Variants in AGBL1 observed in about 807,000 individuals in gnomAD.
AGBL1 encodes the protein cytosolic carboxypeptidase 4.
AGBL1 carries 130 observed loss-of-function variants against 118.9 expected under a neutral mutation model. The ratio of observed to expected loss-of-function variants is 1.09; its 90% CI spans 0.95 to 1.26. The LOEUF (loss-of-function observed/expected upper bound fraction) is 1.26. Among genes scored for constraint, AGBL1 ranks in the 50% most tolerant of loss-of-function variants. The pLI, the probability that AGBL1 is intolerant of heterozygous loss-of-function variation, is 0.00. For missense variants in AGBL1, 1,584 were observed against 1,298.1 expected, an observed-to-expected ratio of 1.22 and a Z score of -3.38; for synonymous variants, 555 against 478.9, an observed-to-expected ratio of 1.16 and a Z score of -2.08.
intron 9 of AGBL1, among the ~76,000 whole-genome samples, chr15:86,260,961 A>G (rs531326455): frequency 9.2e-5 from 14 of 152,360 alleles, no homozygotes; most frequent in African/African-American, 3.4e-4. Flanking sequence ...CTCAGAGACT[A>G]AGCTCCAGAA....
intron 22 of AGBL1, among the ~76,000 whole-genome samples, chr15:86,742,864 C>T (rs1381469688): frequency 6.6e-6 from 1 of 152,162 alleles, no homozygotes; most frequent in Admixed American, 6.5e-5. Flanking sequence ...GAATCAGAAG[C>T]CTACAGGTAG....
At chr15:86,344,960 C>G (rs1379445302) in intron 17 of AGBL1, among the ~76,000 whole-genome samples, 1 of 152,044 alleles carries the variant, frequency 6.6e-6, no homozygotes, top group East Asian at 1.9e-4. Context: ...CATCAGTGAA[C>G]AGAGGAACAT....
At chr15:86,831,336 C>A (rs557265729) in intron 22 of AGBL1, among the ~76,000 whole-genome samples, 1 of 152,326 alleles carries the variant, frequency 6.6e-6, no homozygotes, top group Non-Finnish European at 1.5e-5. Context: ...AAAGTCTTAA[C>A]TTATTTTAGC....
At chr15:86,754,150 G>C (rs562666794) in intron 22 of AGBL1, among the ~76,000 whole-genome samples, 1 of 152,204 alleles carries the variant, frequency 6.6e-6, no homozygotes, top group Admixed American at 6.5e-5. Flanking sequence ...TGTTTGTGCA[G>C]ATTTAAACAC....
intron 24 of AGBL1, among the ~76,000 whole-genome samples, chr15:87,015,795 T>C (rs1490652526): frequency 6.6e-6 from 1 of 152,184 alleles, no homozygotes. Flanking sequence ...ACTTGAAAAC[T>C]AAAACATTAG....
chr15:86,729,997 T>C (rs977573177), intron 22 of AGBL1, among the ~76,000 whole-genome samples: 1 of 152,204 alleles, frequency 6.6e-6, no homozygotes, highest in Non-Finnish European at 1.5e-5. Flanking sequence ...CTCATTGTGG[T>C]TTTGATTTGC....
At chr15:86,676,605 A>G (rs1243505906) in intron 22 of AGBL1, among the ~76,000 whole-genome samples, 1 of 152,110 alleles carries the variant, frequency 6.6e-6, no homozygotes, top group Admixed American at 6.5e-5. Context: ...ATTGTAATAC[A>G]AAGAGTGTAA....
At chr15:86,468,302 G>C (rs990459326) in intron 18 of AGBL1, among the ~76,000 whole-genome samples, 2 of 152,170 alleles carry the variant, frequency 1.3e-5, no homozygotes, top group Admixed American at 1.3e-4. Context: ...GTCTGTCTTT[G>C]AGAACGGAAA....
chr15:86,334,467 G>A (rs1338189413), intron 17 of AGBL1, among the ~76,000 whole-genome samples: 1 of 152,156 alleles, frequency 6.6e-6, no homozygotes, highest in Non-Finnish European at 1.5e-5. Context: ...GGAGGTGAAA[G>A]ATCCCTACAA....
intron 21 of AGBL1, among the ~76,000 whole-genome samples, chr15:86,654,002 G>T (rs2085421794): frequency 6.6e-6 from 1 of 152,184 alleles, no homozygotes; most frequent in Non-Finnish European, 1.5e-5. Context: ...TTGCCCCAAA[G>T]CAGAGGTAAC....
chr15:86,946,278 G>C (rs192953718), intron 23 of AGBL1: 2 of 152,292 alleles, frequency 1.3e-5, no homozygotes, highest in East Asian at 3.9e-4. Flanking sequence ...ACTGGATCTT[G>C]CCTGATGGCC....
intron 22 of AGBL1, among the ~76,000 whole-genome samples, chr15:86,757,278 G>A (rs1190770474): frequency 6.6e-6 from 1 of 152,012 alleles, no homozygotes; most frequent in Non-Finnish European, 1.5e-5. Context: ...GTGTGTCAAA[G>A]GTTTCTCTAC....
chr15:86,727,556 CA>C (rs961025535), intron 22 of AGBL1, among the ~76,000 whole-genome samples: 6 of 151,430 alleles, frequency 4.0e-5, no homozygotes, highest in Admixed American at 3.3e-4. Context: ...TTTTCAATGA[CA>C]AAAAAAACTA....
chr15:86,465,289 A>G (rs1206291108), intron 18 of AGBL1, among the ~76,000 whole-genome samples: 1 of 152,036 alleles, frequency 6.6e-6, no homozygotes, highest in Non-Finnish European at 1.5e-5. Flanking sequence ...GTTTACTTTA[A>G]TCTCTCAATC....
At chr15:86,779,307 C>G (rs996956101) in intron 22 of AGBL1, among the ~76,000 whole-genome samples, 1 of 152,232 alleles carries the variant, frequency 6.6e-6, no homozygotes, top group Non-Finnish European at 1.5e-5. Context: ...TCTTGAACTT[C>G]TCAGTCCCCA....
intron 17 of AGBL1, among the ~76,000 whole-genome samples, chr15:86,330,852 C>T (rs777995735): frequency 3.4e-4 from 51 of 151,988 alleles, no homozygotes; most frequent in Non-Finnish European, 6.0e-4. Context: ...AATAACTGGA[C>T]GAATTGGAAG....
At chr15:86,585,860 C>A (rs2084239939) in intron 21 of AGBL1, among the ~76,000 whole-genome samples, 1 of 152,134 alleles carries the variant, frequency 6.6e-6, no homozygotes, top group South Asian at 2.1e-4. Context: ...GAATAATTAG[C>A]AAATTCATAA....
chr15:86,314,690 T>C (rs953515747), intron 17 of AGBL1, among the ~76,000 whole-genome samples: 5 of 152,170 alleles, frequency 3.3e-5, no homozygotes, highest in African/African-American at 1.2e-4. Context: ...CTTGTAACAG[T>C]GACTGGCTTT....
chr15:86,907,530 T>C lies in AGBL1; in HGVS notation c.*236T>C, dbSNP rs1403711831. 1 of 152,206 alleles carries C rather than the reference T, an allele frequency of 6.6e-6. No homozygotes were observed. Among genetic ancestry groups the C allele is most frequent in the African/African-American group, 2.4e-5 (1 of 41,452 alleles). 9.4% of individuals were successfully genotyped at this position (152,206 alleles called of 1,614,324 possible). A position where few individuals can be genotyped will look rare whatever the true frequency, so the allele number is the denominator to read the frequency against. On this transcript the variant is annotated 3_prime_UTR_variant, in exon 23 of 23. Transcript: ENST00000614907. ...AGCCCTTGGGGCCTATGCAAGCTGCTATTGTACTTAGAATGGGACCCAATG... is the reference window on the plus strand; with the variant it reads ...AGCCCTTGGGGCCTATGCAAGCTGCCATTGTACTTAGAATGGGACCCAATG...
Sources: gnomAD v4.1 joint callset for allele counts (sites outside exome capture counted in the v4.1 genomes callset) on GRCh38, gnomAD v4.1.1 for gene constraint, MANE v1.5 for transcripts, NCBI Gene and HGNC (gene_info 2026-07-23, HGNC 2026-07-21) for gene names.